Variants in CRIM1 observed in about 807,000 individuals in gnomAD.
The protein encoded by CRIM1 is cysteine-rich motor neuron 1 protein.
A neutral mutation model predicts 116.4 loss-of-function variants in CRIM1; 32 were observed. The observed-to-expected ratio is 0.27, with a 90% CI of 0.21 to 0.37. CRIM1 has a LOEUF of 0.37. CRIM1 is among the 10% of genes least tolerant of loss of function. The pLI, the probability that CRIM1 is intolerant of heterozygous loss-of-function variation, is 1.00. For synonymous variants in CRIM1, 590 were observed against 509.2 expected, an observed-to-expected ratio of 1.16 and a Z score of -2.13; for missense variants, 1,331 against 1,354.8, an observed-to-expected ratio of 0.98 and a Z score of 0.28.
intron 2 of CRIM1, among the ~76,000 whole-genome samples, chr2:36,417,804 A>G (rs994117215): frequency 1.3e-5 from 2 of 152,360 alleles, no homozygotes; most frequent in South Asian, 2.1e-4. Context: ...GTAGAATGAA[A>G]TAAGTACTTT....
intron 5 of CRIM1, among the ~76,000 whole-genome samples, chr2:36,473,322 A>G (rs929674431): frequency 6.6e-6 from 1 of 152,206 alleles, no homozygotes; most frequent in Non-Finnish European, 1.5e-5. Context: ...TCATCACCTC[A>G]GGAGAACTTT....
In CRIM1 at chr2:36,356,759, A is replaced by T. The variant is rs536993116; in HGVS notation, c.331+136A>T. On this transcript the variant is annotated intron_variant, in intron 1 of 16. Transcript: ENST00000280527. This position sits in a 1 kb window ranked among gnomAD's most constrained non-coding sequence, Gnocchi z 4.3. ...GGGAAGAGGGGCGGCCGCCGCCCCC[A>T]GGAGAGTGCCCCCGCGGCCCTGCGT... The T allele has an allele frequency of 2.0e-5, 16 of 814,900 alleles. No homozygotes were observed. Among genetic ancestry groups the T allele is most frequent in the Admixed American group, 1.5e-4 (5 of 34,450 alleles). The allele number at this position is 814,900 out of a possible 1,614,324, so 50.5% of individuals were successfully genotyped here. A position where few individuals can be genotyped will look rare whatever the true frequency, so the allele number is the denominator to read the frequency against.
chr2:36,466,525 T>A (rs908816014), intron 5 of CRIM1, among the ~76,000 whole-genome samples: 3 of 152,224 alleles, frequency 2.0e-5, no homozygotes, highest in Non-Finnish European at 2.9e-5. Context: ...CTTCCCTGGG[T>A]TCCCAGCATC....
At chr2:36,475,641 C>T (rs1444160774) in intron 5 of CRIM1, among the ~76,000 whole-genome samples, 3 of 152,116 alleles carry the variant, frequency 2.0e-5, no homozygotes, top group Non-Finnish European at 4.4e-5. Flanking sequence ...GAGAACACAC[C>T]TCATTGTCTT....
At chr2:36,547,243 G>C in intron 16 of CRIM1, 72 bp downstream of exon 16, 1 of 1,258,722 alleles carries the variant, frequency 7.9e-7, no homozygotes, top group Admixed American at 1.9e-5. Flanking sequence ...GAAATTGCTT[G>C]AAACCTTGTG....
In CRIM1 at chr2:36,363,320, G is replaced by A. The variant is rs375207105; in HGVS notation, c.331+6697G>A. 2.6e-5 allele frequency among the ~76,000 whole-genome samples: 4 copies of A among 152,164 alleles called. No homozygotes were observed. In the East Asian group the frequency reaches 5.8e-4, roughly 22 times the overall value. ...GATAGGGTTGCTATAAGGACTCAGT[G>A]CATCCCTAATGAGCAGTTAAAAGAA... On this transcript the variant is annotated intron_variant, in intron 1 of 16. Transcript: ENST00000280527.
chr2:36,500,876 G>A (rs848532), intron 8 of CRIM1, among the ~76,000 whole-genome samples: 115,254 of 152,106 alleles, frequency 0.76, 44,566 homozygotes, highest in East Asian at 0.98. Context: ...AAAATATATT[G>A]CAAAATACAT....
rs551023552 is a variant in CRIM1, at chr2:36,356,721, A to C, written c.331+98A>C. 8.1e-7 allele frequency: 1 copy of C among 1,231,030 alleles called. No individual in the cohort carries two copies. Among genetic ancestry groups the C allele is most frequent in the African/African-American group, 1.5e-5 (1 of 65,988 alleles). The allele number at this position is 1,231,030 out of a possible 1,614,324, so 76.3% of individuals were successfully genotyped here. On this transcript the variant is annotated intron_variant, in intron 1 of 16. Transcript: ENST00000280527. The surrounding 1 kb of genome is among the most constrained non-coding windows in gnomAD (Gnocchi z 4.3). Reference sequence around the variant, plus strand: ...AGTTTGGGCGAGACTTTCTGGAGGAAAGAGGGCTCTGCGGGAAGAGGGGCG... The same window carrying C: ...AGTTTGGGCGAGACTTTCTGGAGGACAGAGGGCTCTGCGGGAAGAGGGGCG...
intron 2 of CRIM1, among the ~76,000 whole-genome samples, chr2:36,416,574 G>A (rs1205228546): frequency 1.3e-5 from 2 of 152,168 alleles, no homozygotes; most frequent in African/African-American, 4.8e-5. Context: ...GACATCACAG[G>A]TTTAGTATTT....
chr2:36,358,750 G>A (rs1181995692), intron 1 of CRIM1, among the ~76,000 whole-genome samples: 1 of 150,152 alleles, frequency 6.7e-6, no homozygotes, highest in Non-Finnish European at 1.5e-5. Flanking sequence ...TCAATATTGT[G>A]TGTCCAGGGC....
chr2:36,358,094 A>C (rs2148266291), intron 1 of CRIM1, among the ~76,000 whole-genome samples: 1 of 150,740 alleles, frequency 6.6e-6, no homozygotes, highest in Admixed American at 6.7e-5. Flanking sequence ...GAGGGGAGGG[A>C]CTTGCTCTTG....
At chr2:36,375,150 A>T (rs367706919) in intron 1 of CRIM1, among the ~76,000 whole-genome samples, 1 of 148,822 alleles carries the variant, frequency 6.7e-6, no homozygotes. Flanking sequence ...TGCATATGCC[A>T]TATGCTGTTG....
In CRIM1 at chr2:36,356,683, T is replaced by C. The variant is rs1463573889; in HGVS notation, c.331+60T>C. The stretch of plus-strand genomic sequence containing the variant: ...GCCTGCGCCGCCCCCTCGGCGCTGG[T>C]TGTGCCGAACAAAGTTTGGGCGAGA... On this transcript the variant is annotated intron_variant, in intron 1 of 16. Transcript: ENST00000280527. This position sits in a 1 kb window ranked among gnomAD's most constrained non-coding sequence, Gnocchi z 4.3. The C allele has an allele frequency of 6.6e-7, 1 of 1,507,774 alleles. No homozygotes were observed. Among genetic ancestry groups the C allele is most frequent in the Non-Finnish European group, 8.9e-7 (1 of 1,120,612 alleles). The allele number at this position is 1,507,774 out of a possible 1,614,324, so 93.4% of individuals were successfully genotyped here.
At chr2:36,401,763 T>G (rs1224902216) in intron 2 of CRIM1, among the ~76,000 whole-genome samples, 1 of 152,216 alleles carries the variant, frequency 6.6e-6, no homozygotes, top group Non-Finnish European at 1.5e-5. Context: ...ATCAGAAATG[T>G]GAAACCATGC....
At chr2:36,446,734 C>T (rs1401058356) in intron 4 of CRIM1, among the ~76,000 whole-genome samples, 1 of 151,814 alleles carries the variant, frequency 6.6e-6, no homozygotes, top group Non-Finnish European at 1.5e-5. Context: ...AGTTATATGG[C>T]AGTGCATTCT....
At chr2:36,422,425 T>C (rs1274811106) in intron 2 of CRIM1, among the ~76,000 whole-genome samples, 1 of 152,144 alleles carries the variant, frequency 6.6e-6, no homozygotes, top group East Asian at 1.9e-4. Flanking sequence ...TTGAATAGTT[T>C]TAAGTGCCAT....
intron 1 of CRIM1, among the ~76,000 whole-genome samples, chr2:36,372,510 T>C (rs1333344753): frequency 6.6e-6 from 1 of 152,192 alleles, no homozygotes; most frequent in Non-Finnish European, 1.5e-5. Context: ...ATACATTTGG[T>C]GCTAAGCTTT....
intron 1 of CRIM1, among the ~76,000 whole-genome samples, chr2:36,362,185 T>C (rs1669268185): frequency 6.6e-6 from 1 of 151,504 alleles, no homozygotes; most frequent in African/African-American, 2.4e-5. Flanking sequence ...TAATATAAAT[T>C]CAAGCCAAGT....
intron 5 of CRIM1, among the ~76,000 whole-genome samples, chr2:36,475,723 G>C (rs907789330): frequency 6.6e-6 from 1 of 152,156 alleles, no homozygotes; most frequent in African/African-American, 2.4e-5. Flanking sequence ...GACTTTTGAG[G>C]ATGCCATTTA....
Sources: allele counts gnomAD v4.1 joint callset (sites outside exome capture counted in the v4.1 genomes callset), GRCh38; gene constraint gnomAD v4.1.1; non-coding constraint Gnocchi (gnomAD v3.1); transcripts MANE v1.5; gene names NCBI Gene and HGNC (gene_info 2026-07-23, HGNC 2026-07-21).